HMX1: variants seen among roughly 807,000 people sequenced by gnomAD.
HMX1 encodes H6 family homeobox 1, also known as homeobox protein HMX1.
Under a neutral mutation model 8.9 loss-of-function variants are expected in HMX1, and 8 were observed. The ratio of observed to expected loss-of-function variants is 0.90; its 90% CI spans 0.53 to 1.63. The LOEUF is 1.63. Among genes scored for constraint, HMX1 ranks in the 40% most tolerant of loss-of-function variants. The probability of loss-of-function intolerance (pLI) is 0.00; values close to 1 mark genes in which losing one functional copy is unlikely to be tolerated. For synonymous variants in HMX1, 311 were observed against 283.4 expected (o/e 1.10, Z -0.98); for missense variants, 621 against 558.5 (o/e 1.11, Z -1.13).
At position 8,849,333 on chromosome 4, in the gene HMX1, T is replaced by C. The variant is rs1721371717; in HGVS notation, c.395-3009A>G. On this transcript the variant is annotated intron_variant, in intron 1 of 1. Coordinates refer to the HMX1 transcript ENST00000506970. The surrounding 1 kb of genome is among the most constrained non-coding windows in gnomAD (Gnocchi z 6.6). Reference sequence around the variant, plus strand: ...GCCCTACCCCAAGCTGAGTGGTGTGTGAGGACAAAGAGAACTTTGGACACA... The same window carrying C: ...GCCCTACCCCAAGCTGAGTGGTGTGCGAGGACAAAGAGAACTTTGGACACA... Among the ~76,000 whole-genome samples the C allele has an allele frequency of 6.6e-6, 1 of 151,794 alleles. No individual in the cohort carries two copies. The highest frequency in any genetic ancestry group is 1.5e-5 in the Non-Finnish European group (1 of 67,992).
chr4:8,859,544 G>A (rs923304654), intron 1 of HMX1, among the ~76,000 whole-genome samples: 1 of 152,172 alleles, frequency 6.6e-6, no homozygotes, highest in Non-Finnish European at 1.5e-5. Flanking sequence ...AGGGAGAGGA[G>A]GATTGAGGAA....
intron 1 of HMX1, among the ~76,000 whole-genome samples, chr4:8,855,991 T>C (rs1721598472): frequency 6.6e-6 from 1 of 152,038 alleles, no homozygotes; most frequent in South Asian, 2.1e-4. Context: ...GAAGGGAGCT[T>C]GGGGACAGAT....
rs1418797661 is a variant in HMX1 at position 8,870,351 on chromosome 4, C to G, written c.394+870G>C. On this transcript the variant is annotated intron_variant, in intron 1 of 1. Coordinates refer to ENST00000400677, the MANE Select transcript of HMX1 (RefSeq NM_018942.3). The surrounding 1 kb of genome is among the most constrained non-coding windows in gnomAD (Gnocchi z 4.4). ...ACCCTGGAACCCTGGGGAGGGGAAG[C>G]AGAACTAAGGGGTCAGATACCCAAG... 6.6e-6 allele frequency among the ~76,000 whole-genome samples: 1 copy of G among 151,322 alleles called. No homozygotes were observed. The highest frequency in any genetic ancestry group is 1.5e-5 in the Non-Finnish European group (1 of 67,900).
At chr4:8,865,207 C>G (rs1023229278), downstream of HMX1, among the ~76,000 whole-genome samples, 1 of 152,212 alleles carries the variant, frequency 6.6e-6, no homozygotes, top group Non-Finnish European at 1.5e-5. Flanking sequence ...TAAGAGGCAC[C>G]CTGCAGTCAC....
Position 8,848,220 on chromosome 4 carries a change from C to T in HMX1, c.395-1896G>A, listed in dbSNP as rs974054685. ...ACTTTTGTGCTCTCCAAAGAGAGTCCGAAACATGTAAAGCAACTCAATATT... is the reference window on the plus strand; with the variant it reads ...ACTTTTGTGCTCTCCAAAGAGAGTCTGAAACATGTAAAGCAACTCAATATT... On this transcript the variant is annotated intron_variant, in intron 1 of 1. Coordinates refer to the HMX1 transcript ENST00000506970. This position sits in a 1 kb window ranked among gnomAD's most constrained non-coding sequence, Gnocchi z 4.1. 7.2e-5 allele frequency among the ~76,000 whole-genome samples: 11 copies of T among 152,010 alleles called. No individual in the cohort carries two copies. The highest frequency in any genetic ancestry group is 1.3e-4 in the Admixed American group (2 of 15,266).
chr4:8,865,371 G>A (rs1380922682), downstream of HMX1, among the ~76,000 whole-genome samples: 1 of 152,164 alleles, frequency 6.6e-6, no homozygotes, highest in Non-Finnish European at 1.5e-5. Context: ...CCGAGGCCTC[G>A]CCAGTCTGAG....
At chr4:8,858,157 T>G (rs1311634642) in intron 1 of HMX1, among the ~76,000 whole-genome samples, 2 of 151,610 alleles carry the variant, frequency 1.3e-5, no homozygotes, top group African/African-American at 4.9e-5. Flanking sequence ...GGGAAATGGA[T>G]TTTCGCGATT....
At position 8,849,662 on chromosome 4, in the gene HMX1, C is replaced by G. The variant is rs2109452710; in HGVS notation, c.395-3338G>C. Reference sequence around the variant, plus strand: ...GGCAGCTCTCCTGGGGTCCCCCCGGCCCCAGCGTGCGGTCTTCAACTGTCA... The same window carrying G: ...GGCAGCTCTCCTGGGGTCCCCCCGGGCCCAGCGTGCGGTCTTCAACTGTCA... On this transcript the variant is annotated intron_variant, in intron 1 of 1. Transcript: ENST00000506970. This position sits in a 1 kb window ranked among gnomAD's most constrained non-coding sequence, Gnocchi z 6.6. Among the ~76,000 whole-genome samples the G allele has an allele frequency of 6.6e-6, 1 of 152,340 alleles. No individual in the cohort carries two copies. Among genetic ancestry groups the G allele is most frequent in the Admixed American group, 6.5e-5 (1 of 15,312 alleles).
chr4:8,865,840 A>G (rs1721979560), downstream of HMX1, among the ~76,000 whole-genome samples: 1 of 152,206 alleles, frequency 6.6e-6, no homozygotes, highest in Non-Finnish European at 1.5e-5. Flanking sequence ...TAGCCAGGAA[A>G]GCAGTTGGGG....
At chr4:8,863,481 C>A (rs1721897590), downstream of HMX1, among the ~76,000 whole-genome samples, 1 of 152,260 alleles carries the variant, frequency 6.6e-6, no homozygotes, top group Non-Finnish European at 1.5e-5. Context: ...TCTGGGAAAC[C>A]TCCCTGCATG....
chr4:8,867,674 A>AG lies in HMX1; in HGVS notation c.*18dup. The AG allele has an allele frequency of 2.4e-6, 3 of 1,239,510 alleles. No homozygotes were observed. The highest frequency in any genetic ancestry group is 3.0e-6 in the Non-Finnish European group (3 of 992,392). 76.8% of individuals were successfully genotyped at this position (1,239,510 alleles called of 1,614,324 possible). On this transcript the variant is annotated 3_prime_UTR_variant, in exon 2 of 2. Transcript: ENST00000400677. The stretch of plus-strand genomic sequence containing the variant: ...CACAGGTCCACAGGGTCGTGGGGAG[A>AG]GGGCCCGGCAGGCGGGGCTCACACC...
At chr4:8,863,590 A>G (rs1233916448), downstream of HMX1, among the ~76,000 whole-genome samples, 1 of 152,190 alleles carries the variant, frequency 6.6e-6, no homozygotes, top group African/African-American at 2.4e-5. Flanking sequence ...GAGGAGCCCC[A>G]TGGGGGTTCG....
At position 8,849,821 on chromosome 4, in the gene HMX1, G is replaced by C. The variant is rs371856558; in HGVS notation, c.395-3497C>G. On this transcript the variant is annotated intron_variant, in intron 1 of 1. Transcript: ENST00000506970. The surrounding 1 kb of genome is among the most constrained non-coding windows in gnomAD (Gnocchi z 6.6). ...GCTGGAACAGCCCCTCCGGGCATCG[G>C]GTGTGGTCTGCCATTTGTCATTTAA... 6.6e-6 allele frequency among the ~76,000 whole-genome samples: 1 copy of C among 152,316 alleles called. No homozygotes were observed. Among genetic ancestry groups the C allele is most frequent in the African/African-American group, 2.4e-5 (1 of 41,584 alleles).
chr4:8,866,042 G>A (rs1721984912), downstream of HMX1, among the ~76,000 whole-genome samples: 2 of 152,226 alleles, frequency 1.3e-5, no homozygotes, highest in African/African-American at 2.4e-5. Context: ...ACCCAGAGGT[G>A]TGGACCTGCG....
Position 8,848,294 on chromosome 4 carries a change from AATT to A in HMX1, c.395-1973_395-1971del, listed in dbSNP as rs1350067640. Reference sequence around the variant, plus strand: ...TGGTAATTTTGAACATGTTGGATGAAATTATCATTTATTTGCAACTGTTTGTTC... The same window carrying A: ...TGGTAATTTTGAACATGTTGGATGAAATCATTTATTTGCAACTGTTTGTTC... On this transcript the variant is annotated intron_variant, in intron 1 of 1. Transcript: ENST00000506970. This position sits in a 1 kb window ranked among gnomAD's most constrained non-coding sequence, Gnocchi z 4.1. Among the ~76,000 whole-genome samples, 2 of 152,200 alleles carry A rather than the reference AATT, an allele frequency of 1.3e-5. No individual in the cohort carries two copies. Among genetic ancestry groups the A allele is most frequent in the Admixed American group, 6.5e-5 (1 of 15,280 alleles).
rs533512172 is a variant in HMX1, at chr4:8,852,515, C to T, written c.395-6191G>A. ...GACTCCAATGCCCGGGCTCCCTGCTCTGCACCACGCTGCCTCACAGGAGGC... is the reference window on the plus strand; with the variant it reads ...GACTCCAATGCCCGGGCTCCCTGCTTTGCACCACGCTGCCTCACAGGAGGC... On this transcript the variant is annotated intron_variant, in intron 1 of 1. Transcript: ENST00000506970. 6.9e-4 allele frequency among the ~76,000 whole-genome samples: 105 copies of T among 152,366 alleles called. No individual in the cohort carries two copies. The Middle Eastern group carries it at 0.014, about 20-fold the overall frequency.
chr4:8,865,560 C>G (rs1392946466), downstream of HMX1, among the ~76,000 whole-genome samples: 1 of 152,054 alleles, frequency 6.6e-6, no homozygotes, highest in African/African-American at 2.4e-5. Flanking sequence ...GTCCCGGTGA[C>G]TGGGTGAGGC....
downstream of HMX1, chr4:8,867,001 G>A (rs911838158): frequency 4.5e-6 from 4 of 897,214 alleles, no homozygotes; most frequent in African/African-American, 1.8e-5. Context: ...GGCACCCAGC[G>A]CAGCTTGAGC....
rs876657398 is a variant in HMX1, at chr4:8,868,090, T to A, written c.650A>T (p.Gln217Leu). 1 of 1,520,810 alleles carries A rather than the reference T, an allele frequency of 6.6e-7. No individual in the cohort carries two copies. The highest frequency in any genetic ancestry group is 8.8e-7 in the Non-Finnish European group (1 of 1,136,500). 94.2% of individuals were successfully genotyped at this position (1,520,810 alleles called of 1,614,324 possible). A position where few individuals can be genotyped will look rare whatever the true frequency, so the allele number is the denominator to read the frequency against. The change falls in exon 2 of 2, where the codon CAG becomes CTG. Residue 217 changes from glutamine to leucine, a missense_variant. Gln to Leu is a moderately radical substitution (Grantham distance 113). Coordinates refer to ENST00000400677, the MANE Select transcript of HMX1 (RefSeq NM_018942.3). This position sits in a 1 kb window ranked among gnomAD's most constrained non-coding sequence, Gnocchi z 4.6. ...RTVFSRSQVF[Q>L]LESTFDLKRY... ...CTTCAGGTCGAAGGTGGATTCCAGC[T>A]GGAAGACCTGGCTGCGGGAGAAGAC...
Sources: allele counts gnomAD v4.1 joint callset (sites outside exome capture counted in the v4.1 genomes callset), GRCh38; gene constraint gnomAD v4.1.1; non-coding constraint Gnocchi (gnomAD v3.1); transcripts MANE v1.5; gene names NCBI Gene and HGNC (gene_info 2026-07-23, HGNC 2026-07-21).